ZFAT: variants seen among roughly 807,000 people sequenced by gnomAD.
The protein encoded by ZFAT is zinc finger and AT-hook domain containing.
Under a neutral mutation model 117.7 loss-of-function variants are expected in ZFAT, and 64 were observed. That is an observed-to-expected ratio of 0.54 (90% CI 0.44 to 0.67). ZFAT has a LOEUF of 0.67. ZFAT is among the 30% of genes least tolerant of loss of function. ZFAT has a pLI of 0.00. For synonymous variants in ZFAT, 679 were observed against 615.0 expected, an observed-to-expected ratio of 1.10 and a Z score of -1.54; for missense variants, 1,433 against 1,584.5, an observed-to-expected ratio of 0.90 and a Z score of 1.62.
At chr8:134,736,612 T>C in the ZFAT span, among the ~76,000 whole-genome samples, 1 of 152,134 alleles carries the variant, frequency 6.6e-6, no homozygotes, top group African/African-American at 2.4e-5. Flanking sequence ...CTCTCTCTAC[T>C]GGGTCTTGCT....
At chr8:134,790,471 G>C in the ZFAT span, among the ~76,000 whole-genome samples, 1 of 152,040 alleles carries the variant, frequency 6.6e-6, no homozygotes, top group Non-Finnish European at 1.5e-5. Context: ...TAGCCGTTAG[G>C]GGGTAATTTG....
At chr8:134,686,966 A>G (rs760183540) in intron 1 of ZFAT, among the ~76,000 whole-genome samples, 1 of 152,182 alleles carries the variant, frequency 6.6e-6, no homozygotes, top group African/African-American at 2.4e-5. Context: ...TTCAAGCCCT[A>G]TGCAGAGGCT....
At chr8:134,586,786 T>C (rs1826097461) in intron 9 of ZFAT, among the ~76,000 whole-genome samples, 1 of 152,224 alleles carries the variant, frequency 6.6e-6, no homozygotes, top group Non-Finnish European at 1.5e-5. Context: ...CTGAAACAAG[T>C]CAGTTCAGAA....
At chr8:134,632,897 C>A (rs1829980256) in intron 3 of ZFAT, among the ~76,000 whole-genome samples, 1 of 152,042 alleles carries the variant, frequency 6.6e-6, no homozygotes, top group Non-Finnish European at 1.5e-5. Context: ...CACTAGTGAC[C>A]AAGGGGCAAC....
At chr8:134,726,453 C>T in the ZFAT span, among the ~76,000 whole-genome samples, 1 of 152,148 alleles carries the variant, frequency 6.6e-6, no homozygotes. Flanking sequence ...CCTTACCAGT[C>T]GAGTGTTCCT....
intron 15 of ZFAT, among the ~76,000 whole-genome samples, chr8:134,499,730 T>C (rs1818821764): frequency 6.6e-6 from 1 of 152,230 alleles, no homozygotes; most frequent in South Asian, 2.1e-4. Flanking sequence ...ATGCTGACAC[T>C]GCTGGCCGGG....
At chr8:134,765,614 GTACTT>G in the ZFAT span, 2 of 151,958 alleles carry the variant, frequency 1.3e-5, no homozygotes, top group African/African-American at 2.4e-5. Flanking sequence ...CTCAGACCTT[GTACTT>G]TACTTTGATG....
At chr8:134,657,892 C>T (rs1477020916) in intron 1 of ZFAT, among the ~76,000 whole-genome samples, 155 bp from the exon 2 acceptor site, 1 of 152,222 alleles carries the variant, frequency 6.6e-6, no homozygotes, top group Admixed American at 6.5e-5. Context: ...TGGCAGGCCA[C>T]TCACTTTCAT....
chr8:134,804,752 C>T, the ZFAT span: 5 of 430,092 alleles, frequency 1.2e-5, no homozygotes, highest in African/African-American at 2.1e-5. Context: ...TATCATAATA[C>T]GTGCACTGTC....
At chr8:134,530,649 C>A (rs369976898) in intron 12 of ZFAT, among the ~76,000 whole-genome samples, 6 of 152,164 alleles carry the variant, frequency 3.9e-5, no homozygotes, top group African/African-American at 1.4e-4. Flanking sequence ...TATGCATACA[C>A]GTACATATGC....
At chr8:134,781,869 T>C in the ZFAT span, among the ~76,000 whole-genome samples, 2 of 152,250 alleles carry the variant, frequency 1.3e-5, no homozygotes, top group African/African-American at 4.8e-5. Flanking sequence ...GCAATTTTCT[T>C]ATTAACATTC....
chr8:134,651,123 A>G (rs1475885181), intron 2 of ZFAT, among the ~76,000 whole-genome samples: 3 of 152,238 alleles, frequency 2.0e-5, no homozygotes, highest in African/African-American at 7.2e-5. Flanking sequence ...AAAGTTTGAC[A>G]GTCCTTGAAA....
chr8:134,543,567 C>A (rs1822446044), intron 11 of ZFAT, among the ~76,000 whole-genome samples: 2 of 152,240 alleles, frequency 1.3e-5, no homozygotes. Flanking sequence ...ATGCAGGCAT[C>A]CACTTCTGTC....
rs1827216405 is a variant in ZFAT, at chr8:134,599,295, A to G, written c.2475+1141T>C. 3.2e-5 allele frequency: 5 copies of G among 158,704 alleles called. No individual in the cohort carries two copies. In the South Asian group the frequency reaches 7.3e-4, roughly 23 times the overall value. The allele number at this position is 158,704 out of a possible 1,614,324, so 9.8% of individuals were successfully genotyped here. ...TGCCAAGTTCTTTAGAGTACTGTAC[A>G]TATGTGTGTGTGTGTGCGCGCGCAT... On this transcript the variant is annotated intron_variant, in intron 7 of 15. Transcript: ENST00000377838.
Position 134,601,399 on chromosome 8 carries a change from T to C in ZFAT, c.2242+78A>G, listed in dbSNP as rs532123135. 123 of 1,516,882 alleles carry C rather than the reference T, an allele frequency of 8.1e-5. No individual in the cohort carries two copies. In the African/African-American group the frequency reaches 1.3e-3, roughly 16 times the overall value. The allele number at this position is 1,516,882 out of a possible 1,614,324, so 94.0% of individuals were successfully genotyped here. ...AGAAGGTATTCTTTGCAAACAGACA[T>C]GAGCTCAAATCAAATGCGAGGTGAC... On this transcript the variant is annotated intron_variant, in intron 6 of 15. Transcript: ENST00000377838.
intron 10 of ZFAT, among the ~76,000 whole-genome samples, chr8:134,577,923 C>G (rs1234718828): frequency 6.6e-6 from 1 of 152,142 alleles, no homozygotes; most frequent in African/African-American, 2.4e-5. Context: ...CCACGGGCGT[C>G]TGGATTACTT....
intron 3 of ZFAT, among the ~76,000 whole-genome samples, chr8:134,613,539 G>A (rs964701409): frequency 2.0e-5 from 3 of 152,168 alleles, no homozygotes; most frequent in African/African-American, 7.2e-5. Flanking sequence ...CATTCCTACA[G>A]CTCCAATTTG....
intron 15 of ZFAT, among the ~76,000 whole-genome samples, chr8:134,488,512 G>GA (rs1484304478): frequency 3.3e-5 from 5 of 152,200 alleles, no homozygotes; most frequent in African/African-American, 1.2e-4. Context: ...AGCCATCTCT[G>GA]AAAGCCACCC....
chr8:134,548,373 T>C (rs1822860217), intron 11 of ZFAT, among the ~76,000 whole-genome samples: 1 of 151,590 alleles, frequency 6.6e-6, no homozygotes, highest in African/African-American at 2.4e-5. Flanking sequence ...GAGTGAGAAG[T>C]GGGAAGAGCA....
Sources: allele counts gnomAD v4.1 joint callset (sites outside exome capture counted in the v4.1 genomes callset), GRCh38; gene constraint gnomAD v4.1.1; transcripts MANE v1.5; gene names NCBI Gene and HGNC (gene_info 2026-07-23, HGNC 2026-07-21).